The following LACC1 variants were observed in gnomAD, a reference collection of about 807,000 sequenced individuals.
The protein encoded by LACC1 is purine nucleoside phosphorylase LACC1.
A neutral mutation model predicts 34.8 loss-of-function variants in LACC1; 25 were observed. The ratio of observed to expected loss-of-function variants is 0.72; its 90% confidence interval spans 0.52 to 1.00. LACC1 has a LOEUF of 1.00. LACC1 is among the 50% of genes least tolerant of loss of function. The pLI is 0.00. For missense variants in LACC1, 426 were observed against 511.2 expected (o/e 0.83, Z 1.61); for synonymous variants, 162 against 168.0 (o/e 0.96, Z 0.28).
At chr13:43,883,075 G>A (rs973576102) in intron 3 of LACC1, among the ~76,000 whole-genome samples, 5 of 152,206 alleles carry the variant, frequency 3.3e-5, no homozygotes, top group South Asian at 2.1e-4. Flanking sequence ...CCATGTGGAC[G>A]TGAGGAGAAG....
chr13:43,882,564 G>GATATATATATATATATATATATAT (rs56292789), intron 3 of LACC1, among the ~76,000 whole-genome samples: 22 of 139,138 alleles, frequency 1.6e-4, no homozygotes, highest in East Asian at 1.3e-3. Flanking sequence ...CACACGTGCA[G>GATATATATATATATATATATATAT]ATATATATAT....
rs985907993 is a variant in LACC1 at position 43,881,457 on chromosome 13, A to G, written c.472A>G (p.Arg158Gly). Residue 158 changes from arginine to glycine, a missense_variant, in exon 2 of 7, where the codon AGA becomes GGA. Around this residue, in one of 2 missense-constraint regions of LACC1, gnomAD observed 217 missense variants for 210.9 expected, o/e 1.03. Transcript: ENST00000325686. The part of the protein sequence containing the change: ...EINVITAQEL[R>G]GIQNEIETFL... ...AAACGTAATCACAGCTCAAGAACTAAGAGGAATTCAGAATGAAATAGAAAC... is the reference window on the plus strand; with the variant it reads ...AAACGTAATCACAGCTCAAGAACTAGGAGGAATTCAGAATGAAATAGAAAC... 6.2e-7 allele frequency: 1 copy of G among 1,614,018 alleles called. No individual in the cohort carries two copies. Among genetic ancestry groups the G allele is most frequent in the Non-Finnish European group, 8.5e-7 (1 of 1,179,974 alleles).
chr13:43,890,254 T>G lies in LACC1; in HGVS notation c.1274T>G (p.Phe425Cys). The change falls in exon 6 of 7, where the codon TTC (phenylalanine) becomes TGC (cysteine). Residue 425 changes from phenylalanine (F) to cysteine (C), a missense_variant. Coordinates refer to ENST00000325686, the MANE Select transcript of LACC1 (RefSeq NM_153218.4). ...DGLNFGTQIGFISIKE is the reference protein window; with the variant it reads ...DGLNFGTQIGCISIKE The stretch of plus-strand genomic sequence containing the variant: ...CTTAATTTTGGTACACAGATTGGCT[T>G]CATATCAATTAAAGAATGAGGTACA... 6.2e-7 allele frequency: 1 copy of G among 1,613,504 alleles called. No homozygotes were observed. Among genetic ancestry groups the G allele is most frequent in the Non-Finnish European group, 8.5e-7 (1 of 1,179,742 alleles).
In LACC1 at chr13:43,882,175, T is replaced by C; in HGVS notation, c.563-10T>C. The C allele has an allele frequency of 6.3e-7, 1 of 1,593,136 alleles. No homozygotes were observed. The highest frequency in any genetic ancestry group is 8.6e-7 in the Non-Finnish European group (1 of 1,169,104). On this transcript the variant is annotated splice_polypyrimidine_tract_variant and intron_variant, in intron 2 of 6. Transcript: ENST00000325686. ...GCATCTTTTAAATCTTCACTGCTTA[T>C]CTTCAACAGATATTTTCATACATGG...
rs761175490 is a variant in LACC1 at position 43,888,761 on chromosome 13, G to A, written c.912G>A (p.Trp304Ter). Residue 304 changes from tryptophan (W) to a stop codon, truncating the protein, a stop_gained, in exon 5 of 7, where the codon TGG (tryptophan) becomes TGA (stop). Transcript: ENST00000325686. LOFTEE classifies it high-confidence loss of function. ...KKACGVAHAG[W>*]KGTLLGVAMA... ...CTTTTTATTCCTATTTACCAGGTTG[G>A]AAAGGTACTTTGTTGGGTGTTGCTA... The A allele has an allele frequency of 1.2e-6, 2 of 1,613,064 alleles. No homozygotes were observed. Among genetic ancestry groups the A allele is most frequent in the Admixed American group, 1.7e-5 (1 of 59,960 alleles).
At chr13:43,891,177 T>C (rs1442950756) in intron 6 of LACC1, among the ~76,000 whole-genome samples, 2 of 152,226 alleles carry the variant, frequency 1.3e-5, no homozygotes, top group African/African-American at 4.8e-5. Context: ...ACAGCAAGAC[T>C]GAGTGTAATT....
chr13:43,889,111 C>T, intron 5 of LACC1, 129 bp downstream of exon 5: 2 of 674,962 alleles, frequency 3.0e-6, no homozygotes, highest in Non-Finnish European at 5.1e-6. Flanking sequence ...CTGACATGCA[C>T]ATGTACACAA....
At chr13:43,884,237 A>G (rs1373689983) in intron 4 of LACC1, among the ~76,000 whole-genome samples, 1 of 152,190 alleles carries the variant, frequency 6.6e-6, no homozygotes, top group East Asian at 1.9e-4. Context: ...TTTGGGCAGG[A>G]TAATCCCACA....
In LACC1 at chr13:43,883,815, T is replaced by C. The variant is rs150516429; in HGVS notation, c.786T>C (p.Pro262=). The part of the protein sequence containing the change: ...NDIWIMGRKE[P]DSYDGITTNQ... Reference sequence around the variant, plus strand: ...TCTGGATTATGGGAAGAAAGGAGCCTGACTCTTATGATGGAATAACCACAA... The same window carrying C: ...TCTGGATTATGGGAAGAAAGGAGCCCGACTCTTATGATGGAATAACCACAA... Residue 262 remains proline (P), a synonymous_variant, in exon 4 of 7, where the codon CCT becomes CCC. Coordinates refer to ENST00000325686, the MANE Select transcript of LACC1 (RefSeq NM_153218.4). 6 of 1,613,492 alleles carry C rather than the reference T, an allele frequency of 3.7e-6. No individual in the cohort carries two copies. Among genetic ancestry groups the C allele is most frequent in the Non-Finnish European group, 5.1e-6 (6 of 1,179,602 alleles).
At chr13:43,883,697 A>T (rs1375511153) in intron 3 of LACC1, 74 bp from the exon 4 acceptor site, 11 of 1,114,884 alleles carry the variant, frequency 9.9e-6, no homozygotes, top group Non-Finnish European at 1.1e-5. Flanking sequence ...TACTACAATG[A>T]GTACCTTCGA....
chr13:43,882,431 C>G, intron 3 of LACC1, 68 bp downstream of exon 3: 1 of 1,194,212 alleles, frequency 8.4e-7, no homozygotes, highest in Non-Finnish European at 1.2e-6. Flanking sequence ...ACTACATGGA[C>G]TTTAAGCTAT....
At position 43,890,279 on chromosome 13, in the gene LACC1, A is replaced by C; in HGVS notation, c.*1+5A>C. 3 of 1,609,812 alleles carry C rather than the reference A, an allele frequency of 1.9e-6. No individual in the cohort carries two copies. Among genetic ancestry groups the C allele is most frequent in the Non-Finnish European group, 2.5e-6 (3 of 1,177,740 alleles). On this transcript the variant is annotated splice_donor_5th_base_variant and intron_variant, in intron 6 of 6. Coordinates refer to ENST00000325686, the MANE Select transcript of LACC1 (RefSeq NM_153218.4). ...TCATATCAATTAAAGAATGAGGTAC[A>C]GTAGGTTTTCTCTCCTCTCTCCGTT...
In LACC1 at chr13:43,883,932, C is replaced by A; in HGVS notation, c.903C>A (p.His301Gln). 6.2e-7 allele frequency: 1 copy of A among 1,608,104 alleles called. No individual in the cohort carries two copies. The highest frequency in any genetic ancestry group is 8.5e-7 in the Non-Finnish European group (1 of 1,176,750). The change falls in exon 4 of 7, where the codon CAC (histidine) becomes CAA (glutamine). Residue 301 changes from histidine (H) to glutamine (Q), a missense_variant. His to Gln is a conservative substitution (Grantham distance 24). Around this residue, in one of 2 missense-constraint regions of LACC1, gnomAD observed 209 missense variants for 300.3 expected, o/e 0.70. Transcript: ENST00000325686. ...TCAAAAAAGCATGTGGGGTTGCTCACGCTGGTAAGTATACTTAATTAAACA... is the reference window on the plus strand; with the variant it reads ...TCAAAAAAGCATGTGGGGTTGCTCAAGCTGGTAAGTATACTTAATTAAACA... ...DPVKKACGVA[H>Q]AGWKGTLLGV...
intron 6 of LACC1, among the ~76,000 whole-genome samples, chr13:43,891,137 A>G (rs1381418857): frequency 2.0e-5 from 3 of 152,210 alleles, no homozygotes; most frequent in African/African-American, 4.8e-5. Context: ...CCTATAGGCT[A>G]TAGTACACTG....
In LACC1 at chr13:43,881,050, A is replaced by G; in HGVS notation, c.65A>G (p.Gln22Arg). ...TTGAACTCTCAAAAAAACTGCCATC[A>G]GACATTACTGAAGACTTTGAATGCT... The part of the protein sequence containing the change: ...LKLNSQKNCH[Q>R]TLLKTLNAVQ... Residue 22 changes from glutamine (Q) to arginine (R), a missense_variant, in exon 2 of 7, where the codon CAG (glutamine) becomes CGG (arginine). This residue lies in a region of LACC1 where 217 missense variants were observed against 210.9 expected (regional missense o/e 1.03). Transcript: ENST00000325686. 6.2e-7 allele frequency: 1 copy of G among 1,614,222 alleles called. No individual in the cohort carries two copies. The highest frequency in any genetic ancestry group is 8.5e-7 in the Non-Finnish European group (1 of 1,180,026).
At chr13:43,889,978 G>T in intron 5 of LACC1, 136 bp from the exon 6 acceptor site, 1 of 680,320 alleles carries the variant, frequency 1.5e-6, no homozygotes, top group Non-Finnish European at 2.4e-6. Flanking sequence ...TGTTCTGTAA[G>T]TGAATAACAA....
Position 43,881,369 on chromosome 13 carries a change from T to G in LACC1, c.384T>G (p.Asn128Lys). 6.2e-7 allele frequency: 1 copy of G among 1,614,128 alleles called. No individual in the cohort carries two copies. Among genetic ancestry groups the G allele is most frequent in the Non-Finnish European group, 8.5e-7 (1 of 1,180,010 alleles). ...ATCAACTCTTCACTGATGTTTACAA[T>G]TTTGAATTTGAAGATTTGCAAGTGA... ...FIDQLFTDVYNFEFEDLQVTF... is the reference protein window; with the variant it reads ...FIDQLFTDVYKFEFEDLQVTF... The change falls in exon 2 of 7, where the codon AAT becomes AAG. Residue 128 changes from asparagine (N) to lysine (K), a missense_variant. Coordinates refer to ENST00000325686, the MANE Select transcript of LACC1 (RefSeq NM_153218.4).
At chr13:43,879,804 GA>G (rs1954873441), upstream of LACC1, 1 of 94,512 alleles carries the variant, frequency 1.1e-5, no homozygotes, top group Admixed American at 9.7e-5. Context: ...GGGGCGAGGC[GA>G]GGCGGGGCGA....
chr13:43,889,781 G>A (rs774521645), intron 5 of LACC1, among the ~76,000 whole-genome samples: 1 of 152,196 alleles, frequency 6.6e-6, no homozygotes, highest in Non-Finnish European at 1.5e-5. Flanking sequence ...GGCTGAGCCA[G>A]GTGAATTTTG....
Sources: gnomAD v4.1 joint callset for allele counts (sites outside exome capture counted in the v4.1 genomes callset) on GRCh38, gnomAD v4.1.1 for gene constraint, gnomAD v4.1.1 regional missense constraint, MANE v1.5 for transcripts, NCBI Gene and HGNC (gene_info 2026-07-23, HGNC 2026-07-21) for gene names.